MBD2: variants seen among roughly 807,000 people sequenced by gnomAD.
MBD2 encodes the protein methyl-CpG-binding domain protein 2.
In MBD2, 9 loss-of-function variants were observed where a neutral mutation model predicts 39.3. The observed-to-expected ratio is 0.23, with a 90% CI of 0.14 to 0.40. The LOEUF is 0.40. MBD2 is among the 10% of genes least tolerant of loss of function. The pLI is 1.00. For missense variants in MBD2, 458 were observed against 532.6 expected (o/e 0.86, Z 1.38); for synonymous variants, 233 against 211.1 (o/e 1.10, Z -0.90).
At chr18:54,210,435 A>G (rs2086493450) in intron 1 of MBD2, among the ~76,000 whole-genome samples, 1 of 152,230 alleles carries the variant, frequency 6.6e-6, no homozygotes, top group Non-Finnish European at 1.5e-5. Flanking sequence ...ATGCCCTGCC[A>G]GTCTATGACA....
chr18:54,192,058 C>T lies in MBD2; in HGVS notation c.703-3047G>A, dbSNP rs529799598. Among the ~76,000 whole-genome samples the T allele has an allele frequency of 3.3e-5, 5 of 152,240 alleles. No individual in the cohort carries two copies. The South Asian group carries it at 1.0e-3, about 32-fold the overall frequency. On this transcript the variant is annotated intron_variant, in intron 2 of 6. Coordinates refer to ENST00000256429, the MANE Select transcript of MBD2 (RefSeq NM_003927.5). ...TGTGATGCAAAGAAAGTTTGAACAC[C>T]TCTGATTTATGACATCTCGACCATT...
At chr18:54,223,070 A>G (rs536513480) in intron 1 of MBD2, among the ~76,000 whole-genome samples, 1 of 152,370 alleles carries the variant, frequency 6.6e-6, no homozygotes, top group South Asian at 2.1e-4. Context: ...AAACTACTGA[A>G]TACAAGTTTA....
At chr18:54,179,910 G>A (rs1296763220) in intron 3 of MBD2, among the ~76,000 whole-genome samples, 3 of 147,514 alleles carry the variant, frequency 2.0e-5, no homozygotes, top group African/African-American at 7.5e-5. Flanking sequence ...AAAAATCAAA[G>A]GTTTAAATAT....
At chr18:54,159,420 CTTT>C (rs112503497) in intron 6 of MBD2, among the ~76,000 whole-genome samples, 1 of 145,738 alleles carries the variant, frequency 6.9e-6, no homozygotes, top group Non-Finnish European at 1.5e-5. Context: ...ACAGCGACAC[CTTT>C]TTTTTTTTTT....
intron 1 of MBD2, among the ~76,000 whole-genome samples, chr18:54,211,407 A>ACACG (rs1599107781): frequency 6.6e-6 from 1 of 151,040 alleles, no homozygotes; most frequent in African/African-American, 2.4e-5. Flanking sequence ...ACACACACAC[A>ACACG]CACACACGCA....
chr18:54,165,147 T>A (rs1055101303), intron 4 of MBD2, among the ~76,000 whole-genome samples: 1 of 152,218 alleles, frequency 6.6e-6, no homozygotes, highest in Non-Finnish European at 1.5e-5. Context: ...AGTCTCTCCT[T>A]GTAGCTTTTA....
At position 54,222,013 on chromosome 18, in the gene MBD2, G is replaced by C. The variant is rs376621000; in HGVS notation, c.542+2005C>G. Among the ~76,000 whole-genome samples the C allele has an allele frequency of 5.3e-5, 8 of 152,172 alleles. No individual in the cohort carries two copies. In the East Asian group the frequency reaches 1.3e-3, roughly 26 times the overall value. On this transcript the variant is annotated intron_variant, in intron 1 of 6. Transcript: ENST00000256429. ...CCACAGAGTAAAATTCAAAGTTTAA[G>C]ATGTTCTACTGAGAATAGCCTAGTC...
intron 1 of MBD2, among the ~76,000 whole-genome samples, chr18:54,218,714 G>C (rs150410407): frequency 6.6e-6 from 1 of 152,166 alleles, no homozygotes; most frequent in Non-Finnish European, 1.5e-5. Flanking sequence ...TGTAATCCTA[G>C]CATTTTGGGA....
chr18:54,199,401 C>T (rs2086389382), intron 2 of MBD2, among the ~76,000 whole-genome samples: 1 of 152,204 alleles, frequency 6.6e-6, no homozygotes, highest in Admixed American at 6.5e-5. Context: ...CTCTTACTCT[C>T]CACAAGATTC....
intron 2 of MBD2, among the ~76,000 whole-genome samples, chr18:54,199,058 AAG>A (rs777319012): frequency 1.1e-3 from 169 of 152,322 alleles, no homozygotes; most frequent in South Asian, 2.5e-3. Flanking sequence ...GATTGGGACT[AAG>A]AGACAGGAGA....
In MBD2 at chr18:54,217,469, T is replaced by C. The variant is rs968277020; in HGVS notation, c.542+6549A>G. On this transcript the variant is annotated intron_variant, in intron 1 of 6. Transcript: ENST00000256429. ...GGAAATGGCAAAGAACAATGAAAGA[T>C]CAATACATAAGAGCTGTAAGAGGCA... 2.0e-5 allele frequency among the ~76,000 whole-genome samples: 3 copies of C among 152,190 alleles called. No homozygotes were observed. The South Asian group carries it at 6.2e-4, about 32-fold the overall frequency.
intron 1 of MBD2, among the ~76,000 whole-genome samples, chr18:54,213,095 GA>G (rs2086523708): frequency 1.4e-5 from 1 of 72,202 alleles, no homozygotes; most frequent in Non-Finnish European, 2.8e-5. Flanking sequence ...CGGGGGGGGG[GA>G]TTATTTTTAA....
intron 3 of MBD2, among the ~76,000 whole-genome samples, chr18:54,182,488 T>C (rs578061900): frequency 1.0e-3 from 159 of 152,200 alleles, no homozygotes; most frequent in Non-Finnish European, 1.9e-3. Context: ...ACCTGAAAAA[T>C]GTTCCATATG....
intron 1 of MBD2, among the ~76,000 whole-genome samples, chr18:54,213,085 CGGGGG>C (rs778109166): frequency 1.4e-5 from 1 of 72,358 alleles, no homozygotes; most frequent in Non-Finnish European, 2.5e-5. Context: ...ATTATGGGGG[CGGGGG>C]GGGGGATTAT....
At chr18:54,168,403 T>C (rs2086151794) in intron 3 of MBD2, among the ~76,000 whole-genome samples, 1 of 151,756 alleles carries the variant, frequency 6.6e-6, no homozygotes, top group Non-Finnish European at 1.5e-5. Flanking sequence ...TGTCATCTGA[T>C]ACCCCGCAAC....
chr18:54,161,261 C>A (rs1002469001), intron 5 of MBD2, among the ~76,000 whole-genome samples: 2 of 152,176 alleles, frequency 1.3e-5, no homozygotes, highest in African/African-American at 4.8e-5. Context: ...CAAAACACCA[C>A]AAAGAGTTAA....
At chr18:54,182,686 G>A (rs928889379) in intron 3 of MBD2, among the ~76,000 whole-genome samples, 1 of 152,090 alleles carries the variant, frequency 6.6e-6, no homozygotes, top group African/African-American at 2.4e-5. Context: ...AATATGAAGA[G>A]TGAAGTAAGG....
intron 3 of MBD2, among the ~76,000 whole-genome samples, chr18:54,173,216 C>G (rs570994768): frequency 6.6e-6 from 1 of 152,254 alleles, no homozygotes; most frequent in South Asian, 2.1e-4. Context: ...CTGCCTCTCA[C>G]CTGGACCTAA....
rs561180473 is a variant in MBD2, at chr18:54,188,734, A to G, written c.840+140T>C. 4 of 808,906 alleles carry G rather than the reference A, an allele frequency of 4.9e-6. No homozygotes were observed. In the East Asian group the frequency reaches 1.0e-4, roughly 21 times the overall value. The allele number at this position is 808,906 out of a possible 1,614,324, so 50.1% of individuals were successfully genotyped here. On this transcript the variant is annotated intron_variant, in intron 3 of 6. Transcript: ENST00000256429. Reference sequence around the variant, plus strand: ...TTACCTAAATTTTGCATACTTCAGCATTCATGTAATAGCCTAGGACATAAA... The same window carrying G: ...TTACCTAAATTTTGCATACTTCAGCGTTCATGTAATAGCCTAGGACATAAA...
Sources: allele counts gnomAD v4.1 joint callset (sites outside exome capture counted in the v4.1 genomes callset), GRCh38; gene constraint gnomAD v4.1.1; transcripts MANE v1.5; gene names NCBI Gene and HGNC (gene_info 2026-07-23, HGNC 2026-07-21).